GPC5: variants seen among roughly 807,000 people sequenced by gnomAD.
The protein encoded by GPC5 is glypican-5.
Under a neutral mutation model 53.9 loss-of-function variants are expected in GPC5, and 47 were observed. That is an observed-to-expected ratio of 0.87 (90% confidence interval 0.69 to 1.11). The LOEUF is 1.11. Ranked by LOEUF, GPC5 falls within the 50% of genes most tolerant of loss-of-function variation. GPC5 has a pLI of 0.00. For missense variants in GPC5, 748 were observed against 713.1 expected (o/e 1.05, Z -0.56); for synonymous variants, 286 against 263.3 (o/e 1.09, Z -0.84).
At chr13:92,664,316 A>G (rs1417904476) in intron 7 of GPC5, among the ~76,000 whole-genome samples, 1 of 151,186 alleles carries the variant, frequency 6.6e-6, no homozygotes, top group Non-Finnish European at 1.5e-5. Flanking sequence ...GTAATATTCT[A>G]GGCTTTGGAT....
chr13:92,743,057 C>A (rs1030754124), intron 7 of GPC5, among the ~76,000 whole-genome samples: 11 of 151,380 alleles, frequency 7.3e-5, no homozygotes, highest in Non-Finnish European at 1.5e-4. Flanking sequence ...ATTGACTTGG[C>A]GATGCAGGCT....
At chr13:92,475,521 A>G (rs1879077805) in intron 7 of GPC5, among the ~76,000 whole-genome samples, 2 of 151,066 alleles carry the variant, frequency 1.3e-5, no homozygotes, top group Non-Finnish European at 2.9e-5. Flanking sequence ...GTTGGTGTAT[A>G]AGAATGCTTG....
intron 7 of GPC5, among the ~76,000 whole-genome samples, chr13:92,592,067 G>C (rs1205303078): frequency 6.6e-6 from 1 of 152,214 alleles, no homozygotes; most frequent in Non-Finnish European, 1.5e-5. Flanking sequence ...CCACACATCA[G>C]TGGAGTTCTC....
At chr13:91,900,308 C>T (rs1460622582) in intron 5 of GPC5, among the ~76,000 whole-genome samples, 1 of 152,030 alleles carries the variant, frequency 6.6e-6, no homozygotes, top group East Asian at 1.9e-4. Context: ...TAACAGTTTT[C>T]CCCTAAATAG....
At chr13:92,085,292 A>G (rs2041327105) in intron 6 of GPC5, among the ~76,000 whole-genome samples, 1 of 152,234 alleles carries the variant, frequency 6.6e-6, no homozygotes, top group Non-Finnish European at 1.5e-5. Context: ...GCAAAAATAT[A>G]TTCAAGAACA....
At chr13:92,656,007 C>T (rs1446653589) in intron 7 of GPC5, among the ~76,000 whole-genome samples, 2 of 151,744 alleles carry the variant, frequency 1.3e-5, no homozygotes, top group Non-Finnish European at 2.9e-5. Flanking sequence ...TCAAGGAATT[C>T]GAAGTATAAC....
At chr13:91,732,574 G>A (rs2140029029) in intron 4 of GPC5, among the ~76,000 whole-genome samples, 1 of 152,182 alleles carries the variant, frequency 6.6e-6, no homozygotes, top group African/African-American at 2.4e-5. Flanking sequence ...TGCTTTTGGT[G>A]TTTTTATCAT....
At chr13:92,367,651 T>A (rs543757437) in intron 7 of GPC5, among the ~76,000 whole-genome samples, 7 of 152,306 alleles carry the variant, frequency 4.6e-5, no homozygotes, top group Non-Finnish European at 8.8e-5. Context: ...TCCCCAAAGA[T>A]CTAAAAACTC....
intron 7 of GPC5, among the ~76,000 whole-genome samples, chr13:92,349,448 TTTTTC>T (rs2043456253): frequency 9.3e-6 from 1 of 107,962 alleles, no homozygotes; most frequent in African/African-American, 5.5e-5. Flanking sequence ...CCAGCCAGGT[TTTTTC>T]TTTTTTTTTT....
intron 7 of GPC5, among the ~76,000 whole-genome samples, chr13:92,839,937 A>C (rs1321421958): frequency 6.6e-6 from 1 of 151,790 alleles, no homozygotes; most frequent in Non-Finnish European, 1.5e-5. Flanking sequence ...AGGACTCTCC[A>C]GACTACAAAT....
chr13:92,789,464 G>T (rs557181702), intron 7 of GPC5, among the ~76,000 whole-genome samples: 2 of 152,256 alleles, frequency 1.3e-5, no homozygotes, highest in South Asian at 4.1e-4. Flanking sequence ...AAATTGAAAA[G>T]ATGGTAGGAA....
At chr13:91,455,030 GTGTC>G (rs1881441426) in intron 2 of GPC5, among the ~76,000 whole-genome samples, 1 of 152,026 alleles carries the variant, frequency 6.6e-6, no homozygotes, top group Non-Finnish European at 1.5e-5. Flanking sequence ...ATTAATCTGT[GTGTC>G]TATCTATCCA....
Position 91,433,550 on chromosome 13 carries a change from A to G in GPC5, c.164-15211A>G, listed in dbSNP as rs1037166992. On this transcript the variant is annotated intron_variant, in intron 1 of 7. Coordinates refer to ENST00000377067, the MANE Select transcript of GPC5 (RefSeq NM_004466.6). ...TGAACTCATCATTTTTTATGGCTGCATAGTATTTCATGGTGTATATGTGCC... is the reference window on the plus strand; with the variant it reads ...TGAACTCATCATTTTTTATGGCTGCGTAGTATTTCATGGTGTATATGTGCC... Among the ~76,000 whole-genome samples the G allele has an allele frequency of 7.4e-3, 1,126 of 152,234 alleles. 20 individuals are homozygous for G. The South Asian group carries it at 0.079, about 11-fold the overall frequency.
rs1320044039 is a variant in GPC5 at position 92,055,017 on chromosome 13, A to T, written c.1402-89813A>T. 3.3e-5 allele frequency among the ~76,000 whole-genome samples: 5 copies of T among 152,242 alleles called. No homozygotes were observed. In the East Asian group the frequency reaches 9.6e-4, roughly 29 times the overall value. Reference sequence around the variant, plus strand: ...CACAATTTTATGAATAGGAAATATAAGATCTGGGGATTTGATTTCTCTATT... The same window carrying T: ...CACAATTTTATGAATAGGAAATATATGATCTGGGGATTTGATTTCTCTATT... On this transcript the variant is annotated intron_variant, in intron 6 of 7. Coordinates refer to ENST00000377067, the MANE Select transcript of GPC5 (RefSeq NM_004466.6).
At chr13:91,814,977 G>A (rs59464246) in intron 5 of GPC5, among the ~76,000 whole-genome samples, 13,927 of 152,182 alleles carry the variant, frequency 0.092, 1,192 homozygotes, top group East Asian at 0.22. Context: ...AGAATTGTAT[G>A]AGTCTGAATG....
At chr13:91,528,420 A>G (rs895702526) in intron 2 of GPC5, among the ~76,000 whole-genome samples, 3 of 152,274 alleles carry the variant, frequency 2.0e-5, no homozygotes, top group South Asian at 2.1e-4. Context: ...CTTTGCTCCA[A>G]TTCTCAATAA....
chr13:91,584,947 A>G (rs1278959356), intron 2 of GPC5, among the ~76,000 whole-genome samples: 1 of 152,228 alleles, frequency 6.6e-6, no homozygotes, highest in Non-Finnish European at 1.5e-5. Flanking sequence ...ATAGGAGTGG[A>G]TGTTTGCAAC....
At chr13:92,249,542 T>A (rs2042677128) in intron 7 of GPC5, among the ~76,000 whole-genome samples, 1 of 152,082 alleles carries the variant, frequency 6.6e-6, no homozygotes, top group Non-Finnish European at 1.5e-5. Flanking sequence ...TATGTGTGTT[T>A]ATCCTGATGT....
intron 7 of GPC5, among the ~76,000 whole-genome samples, chr13:92,470,322 T>C (rs1234920022): frequency 6.6e-6 from 1 of 152,196 alleles, no homozygotes; most frequent in Non-Finnish European, 1.5e-5. Context: ...AATTCAAACT[T>C]GTATTTTATA....
Sources: allele counts gnomAD v4.1 joint callset (sites outside exome capture counted in the v4.1 genomes callset), GRCh38; gene constraint gnomAD v4.1.1; transcripts MANE v1.5; gene names NCBI Gene and HGNC (gene_info 2026-07-23, HGNC 2026-07-21).